The following DENND4C variants were observed in gnomAD, a reference collection of about 807,000 sequenced individuals.
The protein encoded by DENND4C is DENN domain containing 4C, also known as DENN domain-containing protein 4C.
Under a neutral mutation model 203.0 loss-of-function variants are expected in DENND4C, and 108 were observed. The observed-to-expected ratio is 0.53, with a 90% CI of 0.46 to 0.62. The LOEUF (loss-of-function observed/expected upper bound fraction) is 0.62, where lower values mean the gene tolerates loss of function less well. DENND4C is among the 20% of genes least tolerant of loss of function. The pLI, the probability that DENND4C is intolerant of heterozygous loss-of-function variation, is 0.00. For missense variants in DENND4C, 2,481 were observed against 2,301.2 expected, an observed-to-expected ratio of 1.08 and a Z score of -1.60; for synonymous variants, 871 against 792.4, an observed-to-expected ratio of 1.10 and a Z score of -1.67.
chr9:19,325,381 T>C (rs1843554062), intron 13 of DENND4C, among the ~76,000 whole-genome samples: 1 of 152,156 alleles, frequency 6.6e-6, no homozygotes, highest in Non-Finnish European at 1.5e-5. Context: ...AAGTAGATCT[T>C]GGGGCCAATT....
At chr9:19,272,556 C>T (rs1013543289) in intron 1 of DENND4C, among the ~76,000 whole-genome samples, 1 of 151,782 alleles carries the variant, frequency 6.6e-6, no homozygotes, top group South Asian at 2.1e-4. Flanking sequence ...TGTGCCTGGC[C>T]AGAATAGTTT....
chr9:19,356,754 A>G (rs1825491975), intron 26 of DENND4C, among the ~76,000 whole-genome samples: 1 of 146,194 alleles, frequency 6.8e-6, no homozygotes, highest in Admixed American at 6.8e-5. Context: ...TAGGAGGGGA[A>G]GAGAAAATGA....
chr9:19,287,595 C>T (rs1164764875), intron 3 of DENND4C, among the ~76,000 whole-genome samples: 1 of 152,042 alleles, frequency 6.6e-6, no homozygotes, highest in African/African-American at 2.4e-5. Flanking sequence ...GATCCACCTC[C>T]CTTGGCCTCC....
At chr9:19,303,296 G>A (rs996524425) in intron 9 of DENND4C, among the ~76,000 whole-genome samples, 1 of 152,034 alleles carries the variant, frequency 6.6e-6, no homozygotes, top group African/African-American at 2.4e-5. Context: ...TATTCCTTAT[G>A]TTTTTCATTT....
intron 26 of DENND4C, among the ~76,000 whole-genome samples, chr9:19,354,677 G>A (rs563468596): frequency 3.4e-5 from 5 of 147,506 alleles, no homozygotes; most frequent in East Asian, 2.1e-4. Context: ...TTAGCCTCCC[G>A]AGTAGCTGGG....
intron 32 of DENND4C, 97 bp from the exon 33 acceptor site, chr9:19,371,940 G>C: frequency 4.4e-6 from 6 of 1,355,384 alleles, no homozygotes; most frequent in South Asian, 4.1e-5. Context: ...TAAATATATA[G>C]TTCAAATACA....
chr9:19,305,922 T>C (rs1394975826), intron 10 of DENND4C, among the ~76,000 whole-genome samples: 2 of 152,214 alleles, frequency 1.3e-5, no homozygotes, highest in Non-Finnish European at 2.9e-5. Flanking sequence ...GGCTACAGTA[T>C]AGGGTGATAT....
intron 18 of DENND4C, among the ~76,000 whole-genome samples, chr9:19,335,390 A>G (rs1397617015): frequency 1.1e-4 from 16 of 152,274 alleles, no homozygotes; most frequent in African/African-American, 3.9e-4. Context: ...GAAATTTTCA[A>G]AATACAATAC....
chr9:19,331,878 G>C, intron 16 of DENND4C, 100 bp from the exon 17 acceptor site: 1 of 1,129,584 alleles, frequency 8.9e-7, no homozygotes, highest in South Asian at 1.5e-5. Context: ...ATTTTAGGGG[G>C]TCAAGTTTTA....
chr9:19,334,224 A>AT (rs1221022613), intron 17 of DENND4C, among the ~76,000 whole-genome samples: 1 of 151,718 alleles, frequency 6.6e-6, no homozygotes, highest in African/African-American at 2.4e-5. Flanking sequence ...TTTTGTATAT[A>AT]TTTTTTTGTA....
At chr9:19,257,287 C>T (rs1170155915) in intron 1 of DENND4C, among the ~76,000 whole-genome samples, 3 of 149,172 alleles carry the variant, frequency 2.0e-5, no homozygotes, top group Admixed American at 6.8e-5. Flanking sequence ...ACCCAGGAGG[C>T]GGAGGTTGCA....
intron 17 of DENND4C, among the ~76,000 whole-genome samples, chr9:19,334,296 C>G (rs1819930388): frequency 1.3e-5 from 2 of 152,070 alleles, no homozygotes; most frequent in Admixed American, 1.3e-4. Flanking sequence ...GGTGATCTGC[C>G]TGCCTGGGCC....
At position 19,230,714 on chromosome 9, in the gene DENND4C, G is replaced by A. The variant is rs1390014258; in HGVS notation, c.-137G>A. ...GCGCAGACCGGACTGAGGCGGCGGC[G>A]GCCGCTGGAGCTAGTCCCCCGCCCT... On this transcript the variant is annotated 5_prime_UTR_variant, in exon 1 of 33. Transcript: ENST00000434457. The A allele has an allele frequency of 6.6e-6, 1 of 152,186 alleles. No individual in the cohort carries two copies. The highest frequency in any genetic ancestry group is 2.4e-5 in the African/African-American group (1 of 41,444). 9.4% of individuals were successfully genotyped at this position (152,186 alleles called of 1,614,324 possible). A position where few individuals can be genotyped will look rare whatever the true frequency, so the allele number is the denominator to read the frequency against.
At chr9:19,249,200 T>C (rs1825965645) in intron 1 of DENND4C, among the ~76,000 whole-genome samples, 1 of 152,182 alleles carries the variant, frequency 6.6e-6, no homozygotes, top group Non-Finnish European at 1.5e-5. Flanking sequence ...ATTCCCAGCA[T>C]TTAAAACGAT....
At chr9:19,350,998 A>G (rs1219933708) in intron 24 of DENND4C, 119 bp downstream of exon 24, 3 of 1,017,858 alleles carry the variant, frequency 2.9e-6, no homozygotes, top group Non-Finnish European at 4.2e-6. Flanking sequence ...CCTGGGCTCA[A>G]GCAATCTGCC....
chr9:19,367,506 C>T (rs1827931291), intron 30 of DENND4C, among the ~76,000 whole-genome samples: 1 of 152,240 alleles, frequency 6.6e-6, no homozygotes, highest in African/African-American at 2.4e-5. Context: ...GAGGCTGAGG[C>T]CGGCAGATCA....
intron 10 of DENND4C, among the ~76,000 whole-genome samples, chr9:19,307,755 G>C (rs1269250496): frequency 4.2e-5 from 6 of 144,462 alleles, no homozygotes; most frequent in African/African-American, 1.3e-4. Flanking sequence ...GGGCGACAGA[G>C]CGAGACTCTG....
chr9:19,263,519 G>A (rs972997674), intron 1 of DENND4C, among the ~76,000 whole-genome samples: 4 of 151,884 alleles, frequency 2.6e-5, no homozygotes, highest in Non-Finnish European at 5.9e-5. Flanking sequence ...ACCGTGCCCT[G>A]CTAATTTTTT....
chr9:19,359,868 A>T (rs550031898), intron 28 of DENND4C, among the ~76,000 whole-genome samples: 1 of 152,326 alleles, frequency 6.6e-6, no homozygotes, highest in Non-Finnish European at 1.5e-5. Flanking sequence ...AGATTGCCCC[A>T]TCAGTTTAGA....
Sources: allele counts gnomAD v4.1 joint callset (sites outside exome capture counted in the v4.1 genomes callset), GRCh38; gene constraint gnomAD v4.1.1; transcripts MANE v1.5; gene names NCBI Gene and HGNC (gene_info 2026-07-23, HGNC 2026-07-21).